Variants in TNRC6C observed in about 807,000 individuals in gnomAD.
The protein encoded by TNRC6C is trinucleotide repeat-containing gene 6C protein.
A neutral mutation model predicts 153.7 loss-of-function variants in TNRC6C; 20 were observed. The ratio of observed to expected loss-of-function variants is 0.13; its 90% CI spans 0.09 to 0.19. The LOEUF (loss-of-function observed/expected upper bound fraction) is 0.19. Ranked by LOEUF, TNRC6C falls within the 10% of genes least tolerant of loss-of-function variation. TNRC6C has a pLI of 1.00. For synonymous variants in TNRC6C, 811 were observed against 841.4 expected, an observed-to-expected ratio of 0.96 and a Z score of 0.63; for missense variants, 1,987 against 2,172.0, an observed-to-expected ratio of 0.91 and a Z score of 1.69.
At chr17:78,103,924 A>G (rs2073642617) in intron 19 of TNRC6C, among the ~76,000 whole-genome samples, 1 of 152,220 alleles carries the variant, frequency 6.6e-6, no homozygotes, top group Non-Finnish European at 1.5e-5. Context: ...CTCCAAACGT[A>G]GTCACATGGG....
chr17:78,094,573 G>C (rs771098767), intron 16 of TNRC6C, among the ~76,000 whole-genome samples: 5 of 151,870 alleles, frequency 3.3e-5, no homozygotes, highest in Non-Finnish European at 7.4e-5. Context: ...CGATTAGCTG[G>C]GACTACAGGC....
chr17:78,041,409 C>G (rs1205610243), intron 2 of TNRC6C, among the ~76,000 whole-genome samples: 1 of 152,178 alleles, frequency 6.6e-6, no homozygotes, highest in Non-Finnish European at 1.5e-5. Flanking sequence ...AGGAAGCAAG[C>G]CTCCTTTGCC....
At chr17:78,087,046 C>T (rs998566575) in exon 13 of TNRC6C, 4 of 1,613,818 alleles carry the variant, frequency 2.5e-6, no homozygotes, top group East Asian at 2.2e-5. Flanking sequence ...GACCTGCAGA[C>T]CAAAGAGCAG....
intron 2 of TNRC6C, among the ~76,000 whole-genome samples, chr17:78,035,455 G>A (rs545801108): frequency 8.5e-5 from 13 of 152,182 alleles, no homozygotes; most frequent in African/African-American, 2.9e-4. Context: ...AGTAATGCAG[G>A]TGATAGTTGT....
At chr17:78,065,918 C>T (rs1359615314) in intron 4 of TNRC6C, among the ~76,000 whole-genome samples, 1 of 152,050 alleles carries the variant, frequency 6.6e-6, no homozygotes, top group Non-Finnish European at 1.5e-5. Flanking sequence ...TATAAGATTA[C>T]TGATTTAAAT....
In TNRC6C at chr17:78,072,214, G is replaced by A. The variant is rs1214565045; in HGVS notation, c.2860-823G>A. On this transcript the variant is annotated intron_variant, in intron 6 of 19. Transcript: ENST00000301624. Reference sequence around the variant, plus strand: ...CTGTGTGAGTGGGCAAGAGGTTGACGGTGGCTTCAGCGTGTCCTGATTTAT... The same window carrying A: ...CTGTGTGAGTGGGCAAGAGGTTGACAGTGGCTTCAGCGTGTCCTGATTTAT... Among the ~76,000 whole-genome samples, 4 of 152,172 alleles carry A rather than the reference G, an allele frequency of 2.6e-5. No individual in the cohort carries two copies. In the East Asian group the frequency reaches 7.7e-4, roughly 29 times the overall value.
chr17:78,072,746 A>T (rs1185840869), intron 6 of TNRC6C, among the ~76,000 whole-genome samples: 28 of 152,328 alleles, frequency 1.8e-4, no homozygotes, highest in Admixed American at 1.6e-3. Flanking sequence ...GTTACATTTT[A>T]AAAAAATGAA....
upstream of TNRC6C, among the ~76,000 whole-genome samples, chr17:77,958,944 T>C (rs2070836041): frequency 7.0e-6 from 1 of 143,686 alleles, no homozygotes; most frequent in Non-Finnish European, 1.5e-5. Context: ...CGTCCGCAGC[T>C]GCCACCGCCG....
At chr17:78,086,559 C>G (rs763523719) in exon 12 of TNRC6C, 1 of 1,613,862 alleles carries the variant, frequency 6.2e-7, no homozygotes, top group South Asian at 1.1e-5. Flanking sequence ...GTAATGTGTC[C>G]GGATCCATGA....
At chr17:78,097,252 A>G (rs903592694) in intron 16 of TNRC6C, among the ~76,000 whole-genome samples, 1 of 152,036 alleles carries the variant, frequency 6.6e-6, no homozygotes, top group African/African-American at 2.4e-5. Flanking sequence ...TTTAAGCAAA[A>G]TATGAGTGTA....
Position 78,104,687 on chromosome 17 carries a change from G to A in TNRC6C, c.4915G>A (p.Gly1639Ser). Residue 1639 changes from glycine to serine, a missense_variant, in exon 20 of 20, where the codon GGT becomes AGT. Gly to Ser is a moderately conservative substitution (Grantham distance 56). This residue lies in a region of TNRC6C where 139 missense variants were observed against 148.5 expected (regional missense o/e 0.94). Coordinates refer to ENST00000301624, the Ensembl canonical transcript of TNRC6C. This position sits in a 1 kb window ranked among gnomAD's most constrained non-coding sequence, Gnocchi z 6.2. Reference sequence around the variant, plus strand: ...TGGCCACTGGAACGCCCCGTGCCTGGGTGGCAAGGGGAGCAGTGAGCTGCT... The same window carrying A: ...TGGCCACTGGAACGCCCCGTGCCTGAGTGGCAAGGGGAGCAGTGAGCTGCT... The A allele has an allele frequency of 6.5e-7, 1 of 1,541,426 alleles. No individual in the cohort carries two copies. The highest frequency in any genetic ancestry group is 8.7e-7 in the Non-Finnish European group (1 of 1,146,128).
chr17:78,036,995 C>T (rs1043768055), intron 2 of TNRC6C, among the ~76,000 whole-genome samples: 6 of 151,508 alleles, frequency 4.0e-5, no homozygotes, highest in African/African-American at 1.2e-4. Context: ...TATTCTTTTT[C>T]TTTATATAGA....
At chr17:78,086,328 TAAA>T (rs58348772) in intron 11 of TNRC6C, among the ~76,000 whole-genome samples, 172 bp from the exon 14 acceptor site, 414 of 53,068 alleles carry the variant, frequency 7.8e-3, no homozygotes, top group African/African-American at 0.014. Flanking sequence ...AGACTCCATC[TAAA>T]AAAAAAAAAA....
intron 16 of TNRC6C, among the ~76,000 whole-genome samples, chr17:78,097,266 T>C (rs1362821329): frequency 2.0e-5 from 3 of 151,392 alleles, no homozygotes; most frequent in Non-Finnish European, 4.4e-5. Context: ...GAGTGTAAGC[T>C]GATGGGACAC....
chr17:77,974,770 C>A (rs1252356712), intron 1 of TNRC6C, among the ~76,000 whole-genome samples: 2 of 152,194 alleles, frequency 1.3e-5, no homozygotes, highest in Non-Finnish European at 2.9e-5. Context: ...TTTCCAAGAA[C>A]AAATCTTAAC....
exon 3 of TNRC6C, chr17:78,051,201 C>G: frequency 6.4e-7 from 1 of 1,572,672 alleles, no homozygotes; most frequent in Non-Finnish European, 8.6e-7. Context: ...GGGAAGAACC[C>G]TCTCCACCGT....
intron 1 of TNRC6C, among the ~76,000 whole-genome samples, chr17:77,982,924 A>T (rs906815700): frequency 2.0e-5 from 3 of 152,226 alleles, no homozygotes; most frequent in Admixed American, 6.5e-5. Context: ...CCTAGAAACA[A>T]GGAAAGTTTG....
chr17:78,063,866 A>G (rs1224891308), intron 3 of TNRC6C, among the ~76,000 whole-genome samples: 3 of 152,170 alleles, frequency 2.0e-5, no homozygotes, highest in Non-Finnish European at 2.9e-5. Context: ...TCTTAGAATG[A>G]TTTCTTTTAT....
At chr17:78,072,296 G>A (rs2073012606) in intron 6 of TNRC6C, among the ~76,000 whole-genome samples, 1 of 152,212 alleles carries the variant, frequency 6.6e-6, no homozygotes, top group African/African-American at 2.4e-5. Flanking sequence ...AGATTACTGT[G>A]TTCCAGTCAT....
Sources: allele counts gnomAD v4.1 joint callset (sites outside exome capture counted in the v4.1 genomes callset), GRCh38; gene constraint gnomAD v4.1.1; regional missense constraint gnomAD v4.1.1; non-coding constraint Gnocchi (gnomAD v3.1); transcripts MANE v1.5; gene names NCBI Gene and HGNC (gene_info 2026-07-23, HGNC 2026-07-21).